Variants in TMEM132D observed in about 807,000 individuals in gnomAD.
TMEM132D encodes the protein transmembrane protein 132D.
A neutral mutation model predicts 62.3 loss-of-function variants in TMEM132D; 21 were observed. The ratio of observed to expected loss-of-function variants is 0.34; its 90% CI spans 0.24 to 0.49. The LOEUF is 0.49. TMEM132D is among the 20% of genes least tolerant of loss of function. The pLI is 0.99. For missense variants in TMEM132D, 1,346 were observed against 1,402.8 expected (o/e 0.96, Z 0.65); for synonymous variants, 621 against 575.6 (o/e 1.08, Z -1.13).
chr12:129,523,026 T>A (rs1042509701), intron 3 of TMEM132D, among the ~76,000 whole-genome samples: 4 of 152,010 alleles, frequency 2.6e-5, no homozygotes, highest in Admixed American at 2.6e-4. Context: ...GACATAGAAA[T>A]TTTTTTCTCT....
At chr12:129,798,664 G>A (rs879787552) in intron 1 of TMEM132D, among the ~76,000 whole-genome samples, 15 of 151,938 alleles carry the variant, frequency 9.9e-5, no homozygotes, top group South Asian at 2.1e-4. Context: ...CTACCTGGGC[G>A]AGCATCCTTG....
rs1057347397 is a variant in TMEM132D at position 129,746,805 on chromosome 12, A to G, written c.80-46107T>C. On this transcript the variant is annotated intron_variant, in intron 1 of 8. Coordinates refer to ENST00000422113, the MANE Select transcript of TMEM132D (RefSeq NM_133448.3). ...TCCTGCCGTCTCCCCTCCTGCATCTACCTTTCCCAGCCTCCCCGACTCAGC... is the reference window on the plus strand; with the variant it reads ...TCCTGCCGTCTCCCCTCCTGCATCTGCCTTTCCCAGCCTCCCCGACTCAGC... Among the ~76,000 whole-genome samples, 125 of 151,752 alleles carry G rather than the reference A, an allele frequency of 8.2e-4. 1 individual carries two copies. The highest frequency in any genetic ancestry group is 2.8e-3 in the African/African-American group (115 of 41,284).
At chr12:129,278,195 G>T (rs1046430631) in intron 4 of TMEM132D, among the ~76,000 whole-genome samples, 4 of 152,124 alleles carry the variant, frequency 2.6e-5, no homozygotes, top group African/African-American at 9.7e-5. Flanking sequence ...TCTGAGAAAC[G>T]CAGCAGCCAA....
At chr12:129,560,129 G>A (rs1374195175) in intron 2 of TMEM132D, among the ~76,000 whole-genome samples, 1 of 152,184 alleles carries the variant, frequency 6.6e-6, no homozygotes, top group Admixed American at 6.5e-5. Context: ...CTAGGAGTGG[G>A]CTCAACTCTT....
At chr12:129,626,369 A>G (rs1879213667) in intron 2 of TMEM132D, among the ~76,000 whole-genome samples, 1 of 152,218 alleles carries the variant, frequency 6.6e-6, no homozygotes, top group African/African-American at 2.4e-5. Context: ...CAAGTTTTAG[A>G]CTATTTTGGA....
intron 1 of TMEM132D, among the ~76,000 whole-genome samples, chr12:129,825,900 C>A (rs1206011053): frequency 6.6e-6 from 1 of 151,860 alleles, no homozygotes; most frequent in Admixed American, 6.6e-5. Context: ...CCTATCTCTA[C>A]AAAAAAATTA....
chr12:129,717,563 G>GTATGGGAAACACAGAA (rs564251292), intron 1 of TMEM132D, among the ~76,000 whole-genome samples: 108 of 149,010 alleles, frequency 7.2e-4, no homozygotes, highest in Admixed American at 3.8e-3. Flanking sequence ...AAATATTTCC[G>GTATGGGAAACACAGAA]TATGGGAAAC....
chr12:129,288,667 G>A (rs917526413), intron 4 of TMEM132D, among the ~76,000 whole-genome samples: 12 of 152,204 alleles, frequency 7.9e-5, no homozygotes, highest in Non-Finnish European at 1.6e-4. Context: ...ATGCAAAATG[G>A]TGCAGCTGCT....
chr12:129,073,929 A>G lies in TMEM132D; in HGVS notation c.3246T>C (p.Pro1082=), dbSNP rs532610657. The part of the protein sequence containing the change: ...DIKWVCQDLD[P]GDCKELHNYM... ...AGTTGTGCAGCTCTTTGCAGTCCCC[A>G]GGGTCCAGATCCTGGCAGACCCACT... The change falls in exon 9 of 9, where the codon CCT becomes CCC. Residue 1082 remains proline (P), a synonymous_variant. Transcript: ENST00000422113. 8.2e-6 allele frequency: 13 copies of G among 1,592,096 alleles called. No homozygotes were observed. The African/African-American group carries it at 1.8e-4, about 22-fold the overall frequency.
intron 2 of TMEM132D, among the ~76,000 whole-genome samples, chr12:129,659,437 T>C (rs567444163): frequency 1.3e-5 from 2 of 152,354 alleles, no homozygotes; most frequent in East Asian, 3.9e-4. Flanking sequence ...ACAGTCACTT[T>C]CTTATATTCA....
intron 1 of TMEM132D, among the ~76,000 whole-genome samples, chr12:129,789,803 G>A (rs896064896): frequency 8.5e-5 from 13 of 152,190 alleles, no homozygotes; most frequent in African/African-American, 3.1e-4. Flanking sequence ...ACACCATAGG[G>A]AGCCACACAA....
intron 1 of TMEM132D, among the ~76,000 whole-genome samples, chr12:129,812,187 C>T (rs936981651): frequency 6.6e-6 from 1 of 151,754 alleles, no homozygotes; most frequent in African/African-American, 2.4e-5. Context: ...CATAACGTGT[C>T]ATCACCATCA....
At chr12:129,463,243 A>G (rs979614007) in intron 3 of TMEM132D, among the ~76,000 whole-genome samples, 1 of 152,038 alleles carries the variant, frequency 6.6e-6, no homozygotes, top group Non-Finnish European at 1.5e-5. Context: ...TTGGAGCCTC[A>G]TTTCCTTATT....
chr12:129,244,908 T>G (rs1880053145), intron 4 of TMEM132D, among the ~76,000 whole-genome samples: 1 of 152,200 alleles, frequency 6.6e-6, no homozygotes, highest in African/African-American at 2.4e-5. Flanking sequence ...CCCAAAGTGT[T>G]GGGATTACAG....
intron 3 of TMEM132D, among the ~76,000 whole-genome samples, chr12:129,403,948 G>A (rs761643409): frequency 6.6e-6 from 1 of 152,102 alleles, no homozygotes; most frequent in Non-Finnish European, 1.5e-5. Context: ...TGCTTTGCGT[G>A]TTGGAGGGTC....
Position 129,465,707 on chromosome 12 carries a change from C to G in TMEM132D, c.1115+65352G>C, listed in dbSNP as rs569650161. On this transcript the variant is annotated intron_variant, in intron 3 of 8. Coordinates refer to ENST00000422113, the MANE Select transcript of TMEM132D (RefSeq NM_133448.3). ...GAACTCCTTATTTTATTTTATGAGA[C>G]AGTCTTGCTCTGTCACCCAGGCTGG... 3.3e-5 allele frequency among the ~76,000 whole-genome samples: 5 copies of G among 152,254 alleles called. No individual in the cohort carries two copies. In the South Asian group the frequency reaches 1.0e-3, roughly 32 times the overall value.
chr12:129,287,864 G>A (rs1257482757), intron 4 of TMEM132D, among the ~76,000 whole-genome samples: 1 of 152,182 alleles, frequency 6.6e-6, no homozygotes, highest in Non-Finnish European at 1.5e-5. Flanking sequence ...GTACATGCGT[G>A]TATTTATTTC....
chr12:129,377,229 G>A (rs1593356719), intron 3 of TMEM132D, among the ~76,000 whole-genome samples: 7 of 152,154 alleles, frequency 4.6e-5, no homozygotes, highest in Admixed American at 4.6e-4. Context: ...TTCAGAGAGA[G>A]GCCTCAGAAG....
chr12:129,770,140 G>GTTTTTTTTTTTTTTTTT (rs375230592), intron 1 of TMEM132D, among the ~76,000 whole-genome samples: 1 of 104,310 alleles, frequency 9.6e-6, no homozygotes, highest in Non-Finnish European at 1.8e-5. Flanking sequence ...GGTTTTTTTG[G>GTTTTTTTTTTTTTTTTT]TTGTTTTTTT....
Sources: gnomAD v4.1 joint callset for allele counts (sites outside exome capture counted in the v4.1 genomes callset) on GRCh38, gnomAD v4.1.1 for gene constraint, MANE v1.5 for transcripts, NCBI Gene and HGNC (gene_info 2026-07-23, HGNC 2026-07-21) for gene names.